The following CNTNAP3 variants were observed in gnomAD, a reference collection of about 807,000 sequenced individuals.
The protein encoded by CNTNAP3 is contactin-associated protein-like 3.
In CNTNAP3, 36 loss-of-function variants were observed where a neutral mutation model predicts 92.1. The ratio of observed to expected loss-of-function variants is 0.39; its 90% CI spans 0.30 to 0.52. The LOEUF is 0.52. Ranked by LOEUF, CNTNAP3 falls within the 20% of genes least tolerant of loss-of-function variation. The pLI is 0.76. For synonymous variants in CNTNAP3, 232 were observed against 422.3 expected (o/e 0.55, Z 5.53); for missense variants, 534 against 1,069.6 (o/e 0.50, Z 6.98).
intron 23 of CNTNAP3, among the ~76,000 whole-genome samples, chr9:39,074,336 C>CA: frequency 6.6e-6 from 1 of 151,078 alleles, no homozygotes; most frequent in South Asian, 2.1e-4. Flanking sequence ...GCCTCAATGT[C>CA]AGAGTATAAA....
rs1825518250 is a variant in CNTNAP3 at position 39,066,792 on chromosome 9, C to T, written c.*7098G>A. ...AAGACTTGTCTTTTTCTCTTTACCA[C>T]ACTGAGTTTTGATCCATTTGCTTAT... On this transcript the variant is annotated 3_prime_UTR_variant, in exon 24 of 24. Coordinates refer to ENST00000297668, the MANE Select transcript of CNTNAP3 (RefSeq NM_033655.5). 6.6e-6 allele frequency among the ~76,000 whole-genome samples: 1 copy of T among 152,306 alleles called. No homozygotes were observed. The highest frequency in any genetic ancestry group is 2.1e-4 in the South Asian group (1 of 4,838).
intron 23 of CNTNAP3, among the ~76,000 whole-genome samples, chr9:39,077,524 T>C (rs1055382642): frequency 2.6e-5 from 4 of 151,940 alleles, no homozygotes; most frequent in African/African-American, 9.7e-5. Flanking sequence ...TTCACTGCAC[T>C]CCAGCCTGGG....
intron 13 of CNTNAP3, among the ~76,000 whole-genome samples, chr9:39,131,894 A>G (rs563134245): frequency 2.8e-4 from 42 of 150,766 alleles, no homozygotes; most frequent in South Asian, 6.3e-4. Flanking sequence ...CAATGCAGGT[A>G]TGGGTTAGCG....
At position 39,065,436 on chromosome 9, in the gene CNTNAP3, C is replaced by T. The variant is rs1412390962; in HGVS notation, c.*8454G>A. The stretch of plus-strand genomic sequence containing the variant: ...ATATTATAAGTAAAGATGCTATAAA[C>T]GTTCTTGTGTAAGTCTTATAATGGG... On this transcript the variant is annotated 3_prime_UTR_variant, in exon 24 of 24. Coordinates refer to ENST00000297668, the MANE Select transcript of CNTNAP3 (RefSeq NM_033655.5). Among the ~76,000 whole-genome samples, 15 of 151,912 alleles carry T rather than the reference C, an allele frequency of 9.9e-5. No homozygotes were observed. Among genetic ancestry groups the T allele is most frequent in the African/African-American group, 2.7e-4 (11 of 41,318 alleles).
chr9:39,135,675 C>G (rs1821413464), intron 12 of CNTNAP3, among the ~76,000 whole-genome samples: 1 of 152,182 alleles, frequency 6.6e-6, no homozygotes, highest in African/African-American at 2.4e-5. Context: ...ATGTGACCTA[C>G]TGAACCTAGC....
intron 13 of CNTNAP3, among the ~76,000 whole-genome samples, chr9:39,131,745 G>A (rs2118041454): frequency 6.6e-6 from 1 of 152,256 alleles, no homozygotes; most frequent in Non-Finnish European, 1.5e-5. Context: ...AGAATCGCTT[G>A]AATCCGGGAG....
At chr9:39,138,662 C>CAGA (rs2118082142) in intron 12 of CNTNAP3, among the ~76,000 whole-genome samples, 1 of 152,348 alleles carries the variant, frequency 6.6e-6, no homozygotes, top group South Asian at 2.1e-4. Context: ...GTCAAACTCA[C>CAGA]AGAAGTGTGG....
chr9:39,152,662 C>CT (rs4062759), intron 9 of CNTNAP3, among the ~76,000 whole-genome samples: 30 of 137,056 alleles, frequency 2.2e-4, no homozygotes, highest in South Asian at 9.9e-4. Flanking sequence ...CTTAGGTTAT[C>CT]TTTTTTTTTT....
At chr9:39,109,985 G>C (rs1477532460) in intron 14 of CNTNAP3, among the ~76,000 whole-genome samples, 5 of 152,034 alleles carry the variant, frequency 3.3e-5, no homozygotes, top group African/African-American at 1.2e-4. Flanking sequence ...TGTTAACTTT[G>C]TAAATGCAAA....
intron 12 of CNTNAP3, chr9:39,139,742 T>G (rs1335553122): frequency 2.1e-5 from 3 of 145,464 alleles, no homozygotes; most frequent in Non-Finnish European, 4.5e-5. Flanking sequence ...TTCATTTCTT[T>G]TTTTCCTTTT....
At chr9:39,143,808 T>TA (rs1161432618) in intron 11 of CNTNAP3, among the ~76,000 whole-genome samples, 2 of 152,188 alleles carry the variant, frequency 1.3e-5, no homozygotes, top group Admixed American at 1.3e-4. Context: ...CAGTGATTGT[T>TA]AAAAAATCTT....
At chr9:39,095,254 A>G (rs1050550190) in intron 18 of CNTNAP3, among the ~76,000 whole-genome samples, 4 of 151,662 alleles carry the variant, frequency 2.6e-5, no homozygotes, top group Non-Finnish European at 5.9e-5. Context: ...AGTTTTCTAC[A>G]TATAAGATAA....
intron 12 of CNTNAP3, among the ~76,000 whole-genome samples, chr9:39,136,130 A>AAAT (rs60137174): frequency 0.05 from 7,230 of 144,880 alleles, 181 homozygotes; most frequent in East Asian, 0.083. Flanking sequence ...CTCTGTCTCA[A>AAAT]AATAATAATA....
At chr9:39,097,267 C>T (rs1826348048) in intron 18 of CNTNAP3, among the ~76,000 whole-genome samples, 1 of 152,098 alleles carries the variant, frequency 6.6e-6, no homozygotes, top group Non-Finnish European at 1.5e-5. Flanking sequence ...AATCAGTTCA[C>T]TTGGGGAGGG....
chr9:39,134,628 A>G (rs1821384670), intron 12 of CNTNAP3, among the ~76,000 whole-genome samples: 1 of 152,112 alleles, frequency 6.6e-6, no homozygotes, highest in African/African-American at 2.4e-5. Context: ...GGGTTTCACC[A>G]TGTTGGCCAG....
At chr9:39,083,616 G>A (rs986479084) in intron 21 of CNTNAP3, among the ~76,000 whole-genome samples, 13 of 96,974 alleles carry the variant, frequency 1.3e-4, no homozygotes, top group Non-Finnish European at 3.1e-4. Flanking sequence ...CCGAGATTGC[G>A]CCACTGCACT....
chr9:39,148,026 C>T (rs532529212), intron 10 of CNTNAP3, among the ~76,000 whole-genome samples: 2 of 152,234 alleles, frequency 1.3e-5, no homozygotes, highest in East Asian at 3.9e-4. Flanking sequence ...GGACATTACC[C>T]CTTAACTCAG....
chr9:39,154,011 C>T (rs1821899053), intron 9 of CNTNAP3: 1 of 138,500 alleles, frequency 7.2e-6, no homozygotes, highest in Admixed American at 7.5e-5. Context: ...TTCATTTCTT[C>T]ATATTAACCT....
At chr9:39,149,447 T>C (rs926939151) in intron 10 of CNTNAP3, among the ~76,000 whole-genome samples, 2 of 151,990 alleles carry the variant, frequency 1.3e-5, no homozygotes, top group African/African-American at 4.8e-5. Flanking sequence ...CCTCCCGGGT[T>C]CACGCCATTC....
Sources: gnomAD v4.1 joint callset for allele counts (sites outside exome capture counted in the v4.1 genomes callset) on GRCh38, gnomAD v4.1.1 for gene constraint, MANE v1.5 for transcripts, NCBI Gene and HGNC (gene_info 2026-07-23, HGNC 2026-07-21) for gene names.